The following OGDH variants were observed in gnomAD, a reference collection of about 807,000 sequenced individuals.
OGDH encodes the protein 2-oxoglutarate dehydrogenase complex component E1.
In OGDH, 38 loss-of-function variants were observed where a neutral mutation model predicts 116.6. That is an observed-to-expected ratio of 0.33 (90% CI 0.25 to 0.43). The LOEUF (loss-of-function observed/expected upper bound fraction) is 0.43. Among genes scored for constraint, OGDH ranks in the 20% least tolerant of loss-of-function variants. OGDH has a pLI of 1.00. For synonymous variants in OGDH, 488 were observed against 533.3 expected, an observed-to-expected ratio of 0.92 and a Z score of 1.17; for missense variants, 825 against 1,357.2, an observed-to-expected ratio of 0.61 and a Z score of 6.16.
chr7:44,696,180 G>A (rs1400237032), intron 13 of OGDH, 53 bp downstream of exon 13: 10 of 1,294,586 alleles, frequency 7.7e-6, no homozygotes, highest in South Asian at 1.2e-5. Flanking sequence ...CTGATGTAAC[G>A]AGGCATCCTC....
At chr7:44,654,779 G>A (rs1032381032) in intron 4 of OGDH, among the ~76,000 whole-genome samples, 2 of 152,130 alleles carry the variant, frequency 1.3e-5, no homozygotes, top group African/African-American at 4.8e-5. Context: ...CTGGTAAACC[G>A]AGTCCCCTAG....
intron 4 of OGDH, among the ~76,000 whole-genome samples, chr7:44,663,199 C>A (rs1430051670): frequency 6.6e-6 from 1 of 152,170 alleles, no homozygotes; most frequent in Non-Finnish European, 1.5e-5. Context: ...CTCCATTCTG[C>A]CATTGAGCCT....
intron 2 of OGDH, among the ~76,000 whole-genome samples, chr7:44,632,490 G>C (rs1276002379): frequency 6.6e-6 from 1 of 152,196 alleles, no homozygotes; most frequent in African/African-American, 2.4e-5. Context: ...TTTTTATAGA[G>C]ACAGGGTCTT....
chr7:44,707,330 C>G lies in OGDH; in HGVS notation c.2738C>G (p.Thr913Ser). The change falls in exon 21 of 23, where the codon ACC (threonine) becomes AGC (serine). Residue 913 changes from threonine (T) to serine (S), a missense_variant. This residue lies in a region of OGDH where 212 missense variants were observed against 284.3 expected (regional missense o/e 0.75). Transcript: ENST00000222673. The surrounding 1 kb of genome is among the most constrained non-coding windows in gnomAD (Gnocchi z 5.2). Reference sequence around the variant, plus strand: ...ACCGGCAAAGTGTATTATGACCTCACCCGGGAGCGCAAAGCACGCGACATG... The same window carrying G: ...ACCGGCAAAGTGTATTATGACCTCAGCCGGGAGCGCAAAGCACGCGACATG... ...FCTGKVYYDL[T>S]RERKARDMVG... The G allele has an allele frequency of 2.5e-6, 4 of 1,614,254 alleles. No individual in the cohort carries two copies. The highest frequency in any genetic ancestry group is 1.3e-5 in the African/African-American group (1 of 75,078).
At position 44,708,325 on chromosome 7, in the gene OGDH, A is replaced by G. The variant is rs1463521715; in HGVS notation, c.*326A>G. ...ACAATCCTCCCCACCAGTCTCACCC[A>G]CTAGGATAGGAACTGGGCCTTGTGT... is the stretch of plus-strand genomic sequence containing the variant. On this transcript the variant is annotated 3_prime_UTR_variant, in exon 23 of 23. Transcript: ENST00000222673. The G allele has an allele frequency of 3.7e-6, 1 of 266,734 alleles. No homozygotes were observed. Among genetic ancestry groups the G allele is most frequent in the Non-Finnish European group, 7.2e-6 (1 of 137,934 alleles). 16.5% of individuals were successfully genotyped at this position (266,734 alleles called of 1,614,324 possible).
chr7:44,624,337 G>A lies in OGDH; in HGVS notation c.-7G>A. On this transcript the variant is annotated 5_prime_UTR_variant, in exon 2 of 23. Coordinates refer to ENST00000222673, the MANE Select transcript of OGDH (RefSeq NM_002541.4). ...TACAGGCAGTTGTGAAAAACTTCAG[G>A]ACAAAAATGTTTCATTTAAGGACTT... is the stretch of plus-strand genomic sequence containing the variant. 1.3e-6 allele frequency: 2 copies of A among 1,514,408 alleles called. No homozygotes were observed. The highest frequency in any genetic ancestry group is 1.8e-6 in the Non-Finnish European group (2 of 1,106,418). 93.8% of individuals were successfully genotyped at this position (1,514,408 alleles called of 1,614,324 possible).
At chr7:44,696,392 A>G in intron 13 of OGDH, 37 bp from the exon 14 acceptor site, 2 of 1,600,476 alleles carry the variant, frequency 1.2e-6, no homozygotes, top group Non-Finnish European at 1.7e-6. Flanking sequence ...GGAAAAGTAG[A>G]GCAGATGTCA....
chr7:44,635,356 T>C (rs1371327080), intron 2 of OGDH, among the ~76,000 whole-genome samples: 1 of 152,232 alleles, frequency 6.6e-6, no homozygotes, highest in Non-Finnish European at 1.5e-5. Flanking sequence ...TGGATAGTGC[T>C]GGGCCTCATC....
intron 1 of OGDH, among the ~76,000 whole-genome samples, chr7:44,607,750 G>C (rs914062130): frequency 1.3e-5 from 2 of 152,260 alleles, no homozygotes; most frequent in East Asian, 3.9e-4. Context: ...GCCCAGGCTG[G>C]AGTGCTGTGG....
rs540213106 is a variant in OGDH at position 44,694,456 on chromosome 7, G to C, written c.1548G>C (p.Met516Ile). ...VCYRRNGHNE[M>I]DEPMFTQPLM... Reference sequence around the variant, plus strand: ...ACCGGCGCAACGGCCACAACGAGATGGATGAGCCCATGTTCACGCAGCCGC... The same window carrying C: ...ACCGGCGCAACGGCCACAACGAGATCGATGAGCCCATGTTCACGCAGCCGC... The change falls in exon 12 of 23, where the codon ATG becomes ATC. Residue 516 changes from methionine (M) to isoleucine (I), a missense_variant. Met to Ile is a conservative substitution (Grantham distance 10). Around this residue, in one of 7 missense-constraint regions of OGDH, gnomAD observed 146 missense variants for 317.3 expected, o/e 0.46. Transcript: ENST00000222673. This position sits in a 1 kb window ranked among gnomAD's most constrained non-coding sequence, Gnocchi z 4.2. 2 of 1,613,946 alleles carry C rather than the reference G, an allele frequency of 1.2e-6. No homozygotes were observed. The highest frequency in any genetic ancestry group is 2.2e-5 in the South Asian group (2 of 91,060).
chr7:44,637,924 A>G (rs1434902309), intron 2 of OGDH, among the ~76,000 whole-genome samples: 4 of 152,150 alleles, frequency 2.6e-5, no homozygotes, highest in East Asian at 3.9e-4. Flanking sequence ...TCAGAATCCC[A>G]TAGCCCCTTG....
chr7:44,636,673 CTG>C (rs1297536444), intron 2 of OGDH, among the ~76,000 whole-genome samples: 1 of 152,230 alleles, frequency 6.6e-6, no homozygotes, highest in Non-Finnish European at 1.5e-5. Context: ...GCACTGGTCA[CTG>C]TGAGGAAAGT....
chr7:44,606,872 C>T (rs916651013), intron 1 of OGDH, among the ~76,000 whole-genome samples: 1 of 152,052 alleles, frequency 6.6e-6, no homozygotes, highest in African/African-American at 2.4e-5. Context: ...AGCCGCGGGG[C>T]CTGCCCGGCG....
At chr7:44,609,266 G>A (rs1269783130) in intron 1 of OGDH, among the ~76,000 whole-genome samples, 1 of 151,432 alleles carries the variant, frequency 6.6e-6, no homozygotes, top group East Asian at 1.9e-4. Context: ...AGCAACTTTG[G>A]GAGGCTGAGG....
chr7:44,621,692 T>C (rs1437887098), intron 1 of OGDH, among the ~76,000 whole-genome samples: 1 of 152,088 alleles, frequency 6.6e-6, no homozygotes, highest in Non-Finnish European at 1.5e-5. Flanking sequence ...GCCAACATAA[T>C]GAAACCCTGT....
chr7:44,626,465 CAT>C (rs948358591), intron 2 of OGDH, among the ~76,000 whole-genome samples: 34 of 152,310 alleles, frequency 2.2e-4, no homozygotes, highest in African/African-American at 7.7e-4. Flanking sequence ...TTTTCTCAAA[CAT>C]AACCTTTTCT....
At chr7:44,618,753 A>G (rs1271860380) in intron 1 of OGDH, among the ~76,000 whole-genome samples, 1 of 152,132 alleles carries the variant, frequency 6.6e-6, no homozygotes, top group East Asian at 1.9e-4. Context: ...AATATACTCT[A>G]ATATTCCTCC....
intron 4 of OGDH, among the ~76,000 whole-genome samples, chr7:44,659,655 T>C (rs1364657240): frequency 6.6e-6 from 1 of 152,198 alleles, no homozygotes; most frequent in Non-Finnish European, 1.5e-5. Flanking sequence ...TTCATCTAAG[T>C]TGTCAAATGT....
intron 5 of OGDH, among the ~76,000 whole-genome samples, chr7:44,668,056 C>T (rs915350340): frequency 2.0e-5 from 3 of 152,188 alleles, no homozygotes; most frequent in African/African-American, 7.2e-5. Context: ...TCTAGCACCC[C>T]AGGGATTAAT....
Sources: allele counts gnomAD v4.1 joint callset (sites outside exome capture counted in the v4.1 genomes callset), GRCh38; gene constraint gnomAD v4.1.1; regional missense constraint gnomAD v4.1.1; non-coding constraint Gnocchi (gnomAD v3.1); transcripts MANE v1.5; gene names NCBI Gene and HGNC (gene_info 2026-07-23, HGNC 2026-07-21).